The following PIEZO2 variants were observed in gnomAD, a reference collection of about 807,000 sequenced individuals.
The protein encoded by PIEZO2 is piezo type mechanosensitive ion channel component 2.
Under a neutral mutation model 337.3 loss-of-function variants are expected in PIEZO2, and 172 were observed. That is an observed-to-expected ratio of 0.51 (90% CI 0.45 to 0.58). The LOEUF (loss-of-function observed/expected upper bound fraction) is 0.58, where lower values mean the gene tolerates loss of function less well. Among genes scored for constraint, PIEZO2 ranks in the 20% least tolerant of loss-of-function variants. The pLI, the probability that PIEZO2 is intolerant of heterozygous loss-of-function variation, is 0.00. For missense variants in PIEZO2, 3,028 were observed against 3,391.3 expected (o/e 0.89, Z 2.66); for synonymous variants, 1,251 against 1,228.5 (o/e 1.02, Z -0.38).
In PIEZO2 at chr18:11,079,667, G is replaced by A. The variant is rs140976293; in HGVS notation, c.65-13445C>T. 3.9e-5 allele frequency among the ~76,000 whole-genome samples: 6 copies of A among 152,296 alleles called. No homozygotes were observed. The East Asian group carries it at 1.2e-3, about 29-fold the overall frequency. On this transcript the variant is annotated intron_variant, in intron 1 of 55. Transcript: ENST00000674853. ...TGAAGGAATAAATTAATTCCTGCCT[G>A]TTTCTTTGCCAACCTGGAATGCCCC...
At position 10,773,994 on chromosome 18, in the gene PIEZO2, A is replaced by G; in HGVS notation, c.2567+12T>C. ...TAGAGCAAGCATTTCATGGCTTCAC[A>G]GGGGGACTTACTCATTTTGGTGGAT... On this transcript the variant is annotated intron_variant, in intron 19 of 55. Transcript: ENST00000674853. This position sits in a 1 kb window ranked among gnomAD's most constrained non-coding sequence, Gnocchi z 5.3. The G allele has an allele frequency of 1.4e-6, 1 of 703,118 alleles. No individual in the cohort carries two copies. The highest frequency in any genetic ancestry group is 2.6e-6 in the Non-Finnish European group (1 of 385,020). The allele number at this position is 703,118 out of a possible 1,614,324, so 43.6% of individuals were successfully genotyped here.
chr18:11,001,522 T>C lies in PIEZO2; in HGVS notation c.161-21862A>G, dbSNP rs1392942215. On this transcript the variant is annotated intron_variant, in intron 2 of 55. Transcript: ENST00000674853. The surrounding 1 kb of genome is among the most constrained non-coding windows in gnomAD (Gnocchi z 5.3). ...TCCTCCAGTCCCCTATGTAGCTGTA[T>C]TTTGTTATGTGTTGTGTGTGCACAT... 6.6e-6 allele frequency among the ~76,000 whole-genome samples: 1 copy of C among 152,080 alleles called. No homozygotes were observed. Among genetic ancestry groups the C allele is most frequent in the Non-Finnish European group, 1.5e-5 (1 of 68,006 alleles).
chr18:11,007,568 T>C (rs142662299), intron 2 of PIEZO2, among the ~76,000 whole-genome samples: 1 of 152,166 alleles, frequency 6.6e-6, no homozygotes, highest in Non-Finnish European at 1.5e-5. Flanking sequence ...AGATGCAGTA[T>C]AGTCAAATTA....
chr18:10,918,318 T>C (rs552503273), intron 3 of PIEZO2, among the ~76,000 whole-genome samples: 97 of 152,034 alleles, frequency 6.4e-4, no homozygotes, highest in African/African-American at 2.3e-3. Flanking sequence ...TGACACATTG[T>C]TTTTTAAAAT....
intron 52 of PIEZO2, among the ~76,000 whole-genome samples, chr18:10,679,723 A>C (rs1017824927): frequency 6.6e-6 from 1 of 152,218 alleles, no homozygotes; most frequent in African/African-American, 2.4e-5. Context: ...TGCATGAGGA[A>C]AACCTAAGTG....
Position 10,769,847 on chromosome 18 carries a change from T to C in PIEZO2, c.2946+301A>G, listed in dbSNP as rs115789467. The stretch of plus-strand genomic sequence containing the variant: ...GTTTTCCTTGGAGAATTTAGGGAGA[T>C]AGATTCCCATAGGCAGGGGCAGAAG... On this transcript the variant is annotated intron_variant, in intron 21 of 55. Transcript: ENST00000674853. 4,707 of 246,808 alleles carry C rather than the reference T, an allele frequency of 0.019. 208 individuals are homozygous for C. Among genetic ancestry groups the C allele is most frequent in the African/African-American group, 0.097 (4,370 of 44,996 alleles). 15.3% of individuals were successfully genotyped at this position (246,808 alleles called of 1,614,324 possible).
chr18:10,913,294 T>C (rs2030643280), intron 3 of PIEZO2, among the ~76,000 whole-genome samples: 1 of 152,068 alleles, frequency 6.6e-6, no homozygotes, highest in Non-Finnish European at 1.5e-5. Context: ...TCAAGAACCG[T>C]GGCAACTGCC....
At chr18:10,776,888 T>C (rs1286603364) in intron 18 of PIEZO2, among the ~76,000 whole-genome samples, 1 of 152,104 alleles carries the variant, frequency 6.6e-6, no homozygotes, top group Non-Finnish European at 1.5e-5. Context: ...CTAGTAAAAA[T>C]ACTCCTGGAA....
At chr18:10,817,677 A>C (rs1007321020) in intron 7 of PIEZO2, among the ~76,000 whole-genome samples, 1 of 152,156 alleles carries the variant, frequency 6.6e-6, no homozygotes, top group African/African-American at 2.4e-5. Flanking sequence ...TAATCCTAGC[A>C]CTTTGGGAGG....
intron 3 of PIEZO2, among the ~76,000 whole-genome samples, chr18:10,913,615 A>G (rs758734041): frequency 1.3e-5 from 2 of 152,094 alleles, no homozygotes; most frequent in Non-Finnish European, 2.9e-5. Flanking sequence ...TGATTTTGCT[A>G]TACTATATTG....
rs2040191226 is a variant in PIEZO2 at position 11,126,624 on chromosome 18, C to T, written c.64+21901G>A. 6.6e-6 allele frequency among the ~76,000 whole-genome samples: 1 copy of T among 151,596 alleles called. No individual in the cohort carries two copies. Among genetic ancestry groups the T allele is most frequent in the Admixed American group, 6.6e-5 (1 of 15,212 alleles). On this transcript the variant is annotated intron_variant, in intron 1 of 55. Coordinates refer to ENST00000674853, the MANE Select transcript of PIEZO2 (RefSeq NM_001378183.1). The surrounding 1 kb of genome is among the most constrained non-coding windows in gnomAD (Gnocchi z 4.6). ...AGGATCTCAAGAGCAGGAGCCATGC[C>T]TTACATATTTTTTTTTTTTTGTATT...
At chr18:11,086,348 G>A (rs369431991) in intron 1 of PIEZO2, among the ~76,000 whole-genome samples, 22 of 151,964 alleles carry the variant, frequency 1.4e-4, no homozygotes, top group African/African-American at 4.1e-4. Context: ...GTGAAACCCC[G>A]TCTCGACTAA....
At chr18:10,948,560 G>A (rs182759064) in intron 3 of PIEZO2, among the ~76,000 whole-genome samples, 1 of 152,274 alleles carries the variant, frequency 6.6e-6, no homozygotes, top group East Asian at 1.9e-4. Context: ...GAGAGTCTGT[G>A]AGTGTGTTCA....
chr18:10,989,954 G>T (rs536580249), intron 2 of PIEZO2, among the ~76,000 whole-genome samples: 1 of 152,102 alleles, frequency 6.6e-6, no homozygotes, highest in South Asian at 2.1e-4. Flanking sequence ...ATAAACTCCA[G>T]ATAAATTTTT....
intron 2 of PIEZO2, among the ~76,000 whole-genome samples, chr18:10,989,218 T>C (rs1255660115): frequency 1.3e-5 from 2 of 152,050 alleles, no homozygotes; most frequent in Non-Finnish European, 2.9e-5. Context: ...TTGAAATGTA[T>C]ACATTAATTG....
chr18:10,912,883 A>G (rs2030602693), intron 3 of PIEZO2, among the ~76,000 whole-genome samples: 1 of 152,172 alleles, frequency 6.6e-6, no homozygotes, highest in Non-Finnish European at 1.5e-5. Context: ...ACACAAACAC[A>G]TTTAAAGCAG....
chr18:10,876,171 C>T (rs1568154727), intron 4 of PIEZO2, among the ~76,000 whole-genome samples: 1 of 152,168 alleles, frequency 6.6e-6, no homozygotes, highest in African/African-American at 2.4e-5. Flanking sequence ...ATCAGAATGC[C>T]AGTCCTCAGA....
At chr18:11,008,032 T>G (rs1006749208) in intron 2 of PIEZO2, among the ~76,000 whole-genome samples, 2 of 152,186 alleles carry the variant, frequency 1.3e-5, no homozygotes, top group South Asian at 2.1e-4. Flanking sequence ...CACATCTTTC[T>G]CCTCACTTGA....
chr18:10,878,644 A>C lies in PIEZO2; in HGVS notation c.330-7229T>G, dbSNP rs900787547. Among the ~76,000 whole-genome samples, 2 of 152,228 alleles carry C rather than the reference A, an allele frequency of 1.3e-5. No homozygotes were observed. The highest frequency in any genetic ancestry group is 2.9e-5 in the Non-Finnish European group (2 of 68,048). On this transcript the variant is annotated intron_variant, in intron 4 of 55. Coordinates refer to ENST00000674853, the MANE Select transcript of PIEZO2 (RefSeq NM_001378183.1). This position sits in a 1 kb window ranked among gnomAD's most constrained non-coding sequence, Gnocchi z 4.3. ...ATTTGACAGAATTTTTAATTCACTA[A>C]TTCAAAAAAATTATTAAGCACTTAC... is the stretch of plus-strand genomic sequence containing the variant.
Sources: gnomAD v4.1 joint callset for allele counts (sites outside exome capture counted in the v4.1 genomes callset) on GRCh38, gnomAD v4.1.1 for gene constraint, Gnocchi (gnomAD v3.1) non-coding constraint, MANE v1.5 for transcripts, NCBI Gene and HGNC (gene_info 2026-07-23, HGNC 2026-07-21) for gene names.